LYSMD2: variants seen among roughly 807,000 people sequenced by gnomAD.
LYSMD2 encodes lysM and putative peptidoglycan-binding domain-containing protein 2.
Under a neutral mutation model 17.7 loss-of-function variants are expected in LYSMD2, and 6 were observed. That is an observed-to-expected ratio of 0.34 (90% CI 0.19 to 0.67). The LOEUF (loss-of-function observed/expected upper bound fraction) is 0.67, where lower values mean the gene tolerates loss of function less well. Ranked by LOEUF, LYSMD2 falls within the 30% of genes least tolerant of loss-of-function variation. The pLI is 0.69. For synonymous variants in LYSMD2, 102 were observed against 129.8 expected (o/e 0.79, Z 1.45); for missense variants, 237 against 286.7 (o/e 0.83, Z 1.25).
At chr15:51,742,291 C>T (rs191938195), upstream of LYSMD2, among the ~76,000 whole-genome samples, 5 of 152,298 alleles carry the variant, frequency 3.3e-5, no homozygotes, top group South Asian at 2.1e-4. Context: ...CTACCCACCT[C>T]GGCCTCCCAA....
rs147019743 is a variant in LYSMD2, at chr15:51,733,364, T to C, written c.273+3986A>G. 4.2e-3 allele frequency among the ~76,000 whole-genome samples: 637 copies of C among 151,698 alleles called. 9 individuals are homozygous for C. The highest frequency in any genetic ancestry group is 0.015 in the African/African-American group (618 of 41,280). Reference sequence around the variant, plus strand: ...TACTTACTGTCTCCACTAACTAAAATATAAGCTCTATGAGGACATGGATTT... The same window carrying C: ...TACTTACTGTCTCCACTAACTAAAACATAAGCTCTATGAGGACATGGATTT... On this transcript the variant is annotated intron_variant, in intron 1 of 2. Coordinates refer to ENST00000267838, the MANE Select transcript of LYSMD2 (RefSeq NM_153374.3).
chr15:51,731,732 T>C (rs1361670065), intron 1 of LYSMD2, among the ~76,000 whole-genome samples: 1 of 152,068 alleles, frequency 6.6e-6, no homozygotes, highest in Admixed American at 6.6e-5. Flanking sequence ...TCTATATGGC[T>C]CTCTGGAGGT....
intron 1 of LYSMD2, among the ~76,000 whole-genome samples, chr15:51,730,821 G>C (rs75520672): frequency 0.013 from 1,917 of 152,250 alleles, 42 homozygotes; most frequent in African/African-American, 0.045. Flanking sequence ...GCTCTCATCT[G>C]ATTATTAGTT....
chr15:51,724,691 A>G, intron 2 of LYSMD2, 99 bp downstream of exon 2: 1 of 684,304 alleles, frequency 1.5e-6, no homozygotes, highest in Non-Finnish European at 2.2e-6. Flanking sequence ...AGAAAAGAAA[A>G]GAAAAGGCAA....
intron 1 of LYSMD2, among the ~76,000 whole-genome samples, chr15:51,727,508 A>G (rs986340731): frequency 6.6e-6 from 1 of 152,208 alleles, no homozygotes; most frequent in Admixed American, 6.5e-5. Context: ...CATTCAGTAA[A>G]TGTCCCTTTA....
At chr15:51,731,446 A>T (rs888712326) in intron 1 of LYSMD2, among the ~76,000 whole-genome samples, 4 of 152,214 alleles carry the variant, frequency 2.6e-5, no homozygotes, top group African/African-American at 9.6e-5. Flanking sequence ...CACAATGTTT[A>T]TTCCCCCAAA....
chr15:51,745,707 T>C (rs1449479109), intron 1 of LYSMD2, among the ~76,000 whole-genome samples: 1 of 152,078 alleles, frequency 6.6e-6, no homozygotes, highest in Non-Finnish European at 1.5e-5. Context: ...GCATATCTAA[T>C]AAGGCACTTG....
chr15:51,751,249 C>G, intron 1 of LYSMD2: 2 of 702,008 alleles, frequency 2.8e-6, no homozygotes, highest in Admixed American at 4.0e-5. Flanking sequence ...CCAGGAAAAC[C>G]TGGGGCGGGC....
intron 1 of LYSMD2, among the ~76,000 whole-genome samples, chr15:51,727,737 C>T (rs185381699): frequency 6.6e-6 from 1 of 152,194 alleles, no homozygotes; most frequent in Non-Finnish European, 1.5e-5. Flanking sequence ...TACTGCTGCA[C>T]AAGTGACTCA....
intron 1 of LYSMD2, among the ~76,000 whole-genome samples, chr15:51,735,562 T>A (rs1341228390): frequency 6.6e-6 from 1 of 152,264 alleles, no homozygotes; most frequent in Admixed American, 6.5e-5. Context: ...CTATCAATTA[T>A]AGTTCCTGAT....
At chr15:51,749,398 G>T (rs1486187548) in intron 1 of LYSMD2, among the ~76,000 whole-genome samples, 1 of 152,114 alleles carries the variant, frequency 6.6e-6, no homozygotes. Context: ...CTTTATTTTG[G>T]TGTCAGCATC....
At chr15:51,728,568 C>A (rs2055555735) in intron 1 of LYSMD2, among the ~76,000 whole-genome samples, 1 of 151,918 alleles carries the variant, frequency 6.6e-6, no homozygotes, top group Non-Finnish European at 1.5e-5. Context: ...GAAATTTTCT[C>A]CCATAAAATA....
In LYSMD2 at chr15:51,724,891, A is replaced by G; in HGVS notation, c.504T>C (p.Pro168=). 1.2e-6 allele frequency: 2 copies of G among 1,614,120 alleles called. No individual in the cohort carries two copies. Among genetic ancestry groups the G allele is most frequent in the South Asian group, 1.1e-5 (1 of 91,080 alleles). The change falls in exon 2 of 3, where the codon CCT becomes CCC. Residue 168 remains proline (P), a synonymous_variant. Coordinates refer to ENST00000267838, the MANE Select transcript of LYSMD2 (RefSeq NM_153374.3). ...TGGCTGACACTTCCTCAGGCTGCAC[A>G]GGCTGAACATCAGATTCTTGAGGAC... ...PPSPQESDVQ[P]VQPEEVSARD...
upstream of LYSMD2, among the ~76,000 whole-genome samples, chr15:51,741,671 G>T (rs1263148241): frequency 6.6e-6 from 1 of 152,126 alleles, no homozygotes; most frequent in East Asian, 1.9e-4. Flanking sequence ...TGTTATTCCA[G>T]CACTTTGGAA....
rs2055520976 is a variant in LYSMD2 at position 51,724,178 on chromosome 15, T to C, written c.606-529A>G. On this transcript the variant is annotated intron_variant, in intron 2 of 2. Transcript: ENST00000267838. ...AGGAAACACAGTAGATTGTACTTTT[T>C]TGAAATCAAATCATAAAGAAAAAAG... Among the ~76,000 whole-genome samples the C allele has an allele frequency of 2.0e-5, 3 of 152,120 alleles. No homozygotes were observed. In the South Asian group the frequency reaches 6.2e-4, roughly 31 times the overall value.
intron 1 of LYSMD2, among the ~76,000 whole-genome samples, chr15:51,733,593 G>A (rs960060196): frequency 8.5e-5 from 13 of 152,242 alleles, no homozygotes; most frequent in South Asian, 8.3e-4. Context: ...TGAAGGCAAT[G>A]AGGGAACAAA....
chr15:51,737,856 G>A, upstream of LYSMD2: 1 of 300,916 alleles, frequency 3.3e-6, no homozygotes, highest in Admixed American at 5.1e-5. The surrounding 1 kb of genome is among the most constrained non-coding windows in gnomAD (Gnocchi z 4.2). Flanking sequence ...GGTTAAGAGC[G>A]AAAGCAGCTC....
At chr15:51,746,422 T>C (rs1265603940) in intron 1 of LYSMD2, among the ~76,000 whole-genome samples, 1 of 152,018 alleles carries the variant, frequency 6.6e-6, no homozygotes, top group Non-Finnish European at 1.5e-5. Flanking sequence ...AGACAAAAAA[T>C]AAATTTGTGA....
chr15:51,740,687 A>G (rs899217045), upstream of LYSMD2, among the ~76,000 whole-genome samples: 4 of 152,230 alleles, frequency 2.6e-5, no homozygotes, highest in African/African-American at 7.2e-5. Flanking sequence ...CAATTGCATC[A>G]CTCAATCATA....
Sources: allele counts gnomAD v4.1 joint callset (sites outside exome capture counted in the v4.1 genomes callset), GRCh38; gene constraint gnomAD v4.1.1; non-coding constraint Gnocchi (gnomAD v3.1); transcripts MANE v1.5; gene names NCBI Gene and HGNC (gene_info 2026-07-23, HGNC 2026-07-21).